The following PCDHA1 variants were observed in gnomAD, a reference collection of about 807,000 sequenced individuals.
The protein encoded by PCDHA1 is protocadherin alpha 1, also known as protocadherin alpha-1.
In PCDHA1, 42 loss-of-function variants were observed where a neutral mutation model predicts 61.3. The observed-to-expected ratio is 0.69, with a 90% CI of 0.54 to 0.89. PCDHA1 has a LOEUF of 0.89. PCDHA1 is among the 40% of genes least tolerant of loss of function. PCDHA1 has a pLI of 0.00. For synonymous variants in PCDHA1, 610 were observed against 553.8 expected (o/e 1.10, Z -1.43); for missense variants, 1,256 against 1,235.3 (o/e 1.02, Z -0.25).
intron 1 of PCDHA1, chr5:140,802,360 C>G: frequency 6.2e-7 from 1 of 1,614,244 alleles, no homozygotes. Flanking sequence ...GTCACCTGCT[C>G]GCTGACGCCC....
intron 1 of PCDHA1, among the ~76,000 whole-genome samples, chr5:140,878,995 A>G (rs2057802646): frequency 6.6e-6 from 1 of 152,246 alleles, no homozygotes; most frequent in South Asian, 2.1e-4. Context: ...AAATGAGAGT[A>G]TGCCCTAGAA....
chr5:140,829,581 G>A, intron 1 of PCDHA1: 2 of 1,612,280 alleles, frequency 1.2e-6, no homozygotes, highest in Non-Finnish European at 1.7e-6. Flanking sequence ...CTGGTGGAGC[G>A]GCGGGTGGGC....
At chr5:141,001,723 A>T (rs936645287) in intron 3 of PCDHA1, among the ~76,000 whole-genome samples, 1 of 152,168 alleles carries the variant, frequency 6.6e-6, no homozygotes, top group Non-Finnish European at 1.5e-5. Flanking sequence ...GGAGCTTGAG[A>T]TATTTTACAA....
At chr5:140,797,058 G>C in intron 1 of PCDHA1, 1 of 1,613,782 alleles carries the variant, frequency 6.2e-7, no homozygotes. Context: ...ATGTCAACGT[G>C]TACCTGATCA....
At chr5:140,808,669 G>A (rs138044837) in intron 1 of PCDHA1, 1 of 1,612,884 alleles carries the variant, frequency 6.2e-7, no homozygotes. Flanking sequence ...CCTACTCGCT[G>A]GTAGAGCGGC....
chr5:140,966,578 G>A, intron 1 of PCDHA1: 1 of 527,316 alleles, frequency 1.9e-6, no homozygotes, highest in Non-Finnish European at 3.1e-6. Context: ...GGGAGTCAGC[G>A]AGGACGGTGG....
intron 1 of PCDHA1, chr5:140,883,523 T>A: frequency 6.2e-7 from 1 of 1,614,226 alleles, no homozygotes; most frequent in Non-Finnish European, 8.5e-7. Flanking sequence ...CGAGAGCGTA[T>A]CAGCCTATGA....
intron 1 of PCDHA1, chr5:140,929,486 T>G (rs1258020318): frequency 8.8e-7 from 1 of 1,141,828 alleles, no homozygotes; most frequent in Non-Finnish European, 1.2e-6. Flanking sequence ...TATAGAAGTA[T>G]TAGAAGATTG....
intron 1 of PCDHA1, chr5:140,870,984 G>T (rs1554164960): frequency 3.7e-6 from 6 of 1,613,520 alleles, no homozygotes; most frequent in Non-Finnish European, 8.5e-7. Context: ...GGCTGTACAC[G>T]GGCGAGATAA....
intron 1 of PCDHA1, among the ~76,000 whole-genome samples, chr5:140,873,915 C>A (rs543062290): frequency 6.6e-6 from 1 of 152,284 alleles, no homozygotes; most frequent in Non-Finnish European, 1.5e-5. Flanking sequence ...CCTGCCTCAG[C>A]CTCCCAAAGT....
intron 1 of PCDHA1, among the ~76,000 whole-genome samples, chr5:140,838,365 C>T (rs1775701079): frequency 6.7e-6 from 1 of 149,948 alleles, no homozygotes; most frequent in African/African-American, 2.5e-5. Context: ...CTCAAGTGAT[C>T]TGACTGCCTC....
chr5:141,002,679 G>A (rs1554258764), intron 3 of PCDHA1, among the ~76,000 whole-genome samples: 1 of 152,134 alleles, frequency 6.6e-6, no homozygotes, highest in Non-Finnish European at 1.5e-5. Context: ...AAACCTATAC[G>A]ACGTGCAGAT....
At chr5:140,863,023 G>T (rs782495275) in intron 1 of PCDHA1, 12 of 553,926 alleles carry the variant, frequency 2.2e-5, no homozygotes, top group South Asian at 1.5e-4. Context: ...CCTGGTTGTC[G>T]CAACAGCTGC....
intron 3 of PCDHA1, among the ~76,000 whole-genome samples, chr5:140,994,564 G>A (rs1554254259): frequency 6.6e-6 from 1 of 152,070 alleles, no homozygotes; most frequent in Non-Finnish European, 1.5e-5. Flanking sequence ...AATTAGCCGG[G>A]TGTGGTGGCA....
intron 1 of PCDHA1, chr5:140,805,484 C>G: frequency 2.0e-6 from 2 of 993,630 alleles, no homozygotes; most frequent in Non-Finnish European, 2.4e-6. Flanking sequence ...AGAGAGGGAG[C>G]GTAAAGCTAT....
At chr5:140,951,373 C>T (rs1554219872) in intron 1 of PCDHA1, among the ~76,000 whole-genome samples, 1 of 151,996 alleles carries the variant, frequency 6.6e-6, no homozygotes, top group Non-Finnish European at 1.5e-5. Context: ...AAAGAAACAC[C>T]CAAGACTCGG....
intron 1 of PCDHA1, among the ~76,000 whole-genome samples, chr5:140,921,651 C>T (rs155817): frequency 0.33 from 49,637 of 151,902 alleles, 8,394 homozygotes; most frequent in East Asian, 0.53. Context: ...TTTAAGGGAA[C>T]TTAATAAAAA....
chr5:140,944,744 A>G (rs1408016136), intron 1 of PCDHA1, among the ~76,000 whole-genome samples: 2 of 152,204 alleles, frequency 1.3e-5, no homozygotes, highest in East Asian at 3.8e-4. Context: ...CTGAGCATTT[A>G]CATGGAAAAA....
chr5:140,803,636 A>T, intron 1 of PCDHA1: 1 of 1,613,714 alleles, frequency 6.2e-7, no homozygotes, highest in Non-Finnish European at 8.5e-7. Context: ...TTTGTTTTTC[A>T]TTCCTCAATG....
Sources: gnomAD v4.1 joint callset for allele counts (sites outside exome capture counted in the v4.1 genomes callset) on GRCh38, gnomAD v4.1.1 for gene constraint, MANE v1.5 for transcripts, NCBI Gene and HGNC (gene_info 2026-07-23, HGNC 2026-07-21) for gene names.